Variants in MAPK4 observed in about 807,000 individuals in gnomAD.
MAPK4 encodes the protein mitogen-activated protein kinase 4, also known as Erk3-related.
Under a neutral mutation model 47.7 loss-of-function variants are expected in MAPK4, and 22 were observed. The ratio of observed to expected loss-of-function variants is 0.46; its 90% confidence interval spans 0.33 to 0.66. MAPK4 has a LOEUF of 0.66. MAPK4 is among the 30% of genes least tolerant of loss of function. MAPK4 has a pLI of 0.02. For synonymous variants in MAPK4, 390 were observed against 365.7 expected (o/e 1.07, Z -0.76); for missense variants, 736 against 831.7 (o/e 0.88, Z 1.42).
intron 1 of MAPK4, among the ~76,000 whole-genome samples, chr18:50,636,914 C>T (rs1598852015): frequency 6.6e-6 from 1 of 152,180 alleles, no homozygotes. Context: ...TCTCTGTTCA[C>T]GATGAGAACA....
At chr18:50,618,254 C>T (rs1299605960) in intron 1 of MAPK4, among the ~76,000 whole-genome samples, 1 of 152,148 alleles carries the variant, frequency 6.6e-6, no homozygotes, top group South Asian at 2.1e-4. Context: ...ATCTGCTCAT[C>T]GACCTCTGGG....
intron 1 of MAPK4, among the ~76,000 whole-genome samples, chr18:50,644,462 A>T (rs1017962598): frequency 3.3e-5 from 5 of 152,114 alleles, no homozygotes; most frequent in African/African-American, 1.2e-4. Flanking sequence ...GAGCAGGGAG[A>T]ACAGACACAG....
chr18:50,638,401 G>A (rs2042907332), intron 1 of MAPK4, among the ~76,000 whole-genome samples: 1 of 152,180 alleles, frequency 6.6e-6, no homozygotes, highest in East Asian at 1.9e-4. Flanking sequence ...CCTGAGTAAG[G>A]CAGCACGTCT....
At chr18:50,646,085 C>G (rs2042986404) in intron 1 of MAPK4, among the ~76,000 whole-genome samples, 1 of 152,200 alleles carries the variant, frequency 6.6e-6, no homozygotes, top group Non-Finnish European at 1.5e-5. Flanking sequence ...GCATCAATTC[C>G]AGCTAACAGG....
intron 2 of MAPK4, among the ~76,000 whole-genome samples, chr18:50,677,381 A>G (rs1239156778): frequency 2.0e-5 from 3 of 152,210 alleles, no homozygotes; most frequent in African/African-American, 7.2e-5. Context: ...TCAGGTGGGA[A>G]GTTGGGAAAG....
rs144572020 is a variant in MAPK4, at chr18:50,641,085, G to A, written c.-870-22004G>A. Among the ~76,000 whole-genome samples, 1,199 of 152,368 alleles carry A rather than the reference G, an allele frequency of 7.9e-3. 6 individuals are homozygous for A. The highest frequency in any genetic ancestry group is 0.013 in the Non-Finnish European group (879 of 68,034). On this transcript the variant is annotated intron_variant, in intron 1 of 5. Coordinates refer to ENST00000400384, the MANE Select transcript of MAPK4 (RefSeq NM_002747.4). The stretch of plus-strand genomic sequence containing the variant: ...GAAAAAAAAGGGGAGAGTTGAGTGA[G>A]AAGTCCTGTTTGTGACCCATGAAGC...
intron 1 of MAPK4, among the ~76,000 whole-genome samples, chr18:50,620,044 T>A (rs1262987014): frequency 1.3e-5 from 2 of 152,260 alleles, no homozygotes; most frequent in Non-Finnish European, 2.9e-5. Context: ...AGGCATGCAC[T>A]TTGCTTCTGC....
chr18:50,637,970 G>C (rs186321283), intron 1 of MAPK4, among the ~76,000 whole-genome samples: 104 of 152,318 alleles, frequency 6.8e-4, no homozygotes, highest in Non-Finnish European at 1.2e-3. Flanking sequence ...CTAGGGGTTA[G>C]GGCTTCAGCG....
chr18:50,599,343 G>C (rs1255345042), intron 1 of MAPK4, among the ~76,000 whole-genome samples: 1 of 152,164 alleles, frequency 6.6e-6, no homozygotes, highest in East Asian at 1.9e-4. Context: ...TCTAAGCTAA[G>C]ATTTATATAG....
intron 1 of MAPK4, among the ~76,000 whole-genome samples, chr18:50,592,886 G>A (rs977012510): frequency 2.6e-5 from 4 of 152,168 alleles, no homozygotes; most frequent in Non-Finnish European, 5.9e-5. Context: ...TTAAAACTTA[G>A]CATCTCGCAG....
At chr18:50,571,074 G>A (rs2042246029) in intron 1 of MAPK4, among the ~76,000 whole-genome samples, 1 of 152,152 alleles carries the variant, frequency 6.6e-6, no homozygotes, top group African/African-American at 2.4e-5. Flanking sequence ...TAATCATTGG[G>A]TAAAGAGAAG....
At position 50,664,258 on chromosome 18, in the gene MAPK4, G is replaced by A; in HGVS notation, c.300G>A (p.Val100=). ...AGGGTGAGCTGTTCAAGTTCAGCGT[G>A]GCGTACATCGTCCAGGAGTACATGG... ...DLQGELFKFS[V]AYIVQEYMET... Residue 100 remains valine, a synonymous_variant, in exon 2 of 6, where the codon GTG becomes GTA. Coordinates refer to ENST00000400384, the MANE Select transcript of MAPK4 (RefSeq NM_002747.4). The surrounding 1 kb of genome is among the most constrained non-coding windows in gnomAD (Gnocchi z 6.0). 1 of 1,613,826 alleles carries A rather than the reference G, an allele frequency of 6.2e-7. No homozygotes were observed.
chr18:50,653,203 A>T (rs905064911), intron 1 of MAPK4, among the ~76,000 whole-genome samples: 1 of 152,042 alleles, frequency 6.6e-6, no homozygotes, highest in Non-Finnish European at 1.5e-5. Context: ...AAATAAAAAA[A>T]AAAAAGAACC....
At chr18:50,592,698 G>A (rs1224329830) in intron 1 of MAPK4, among the ~76,000 whole-genome samples, 1 of 152,226 alleles carries the variant, frequency 6.6e-6, no homozygotes, top group African/African-American at 2.4e-5. Context: ...TGATGGAGGG[G>A]AGAAGGCTGT....
chr18:50,586,761 A>G (rs1402032421), intron 1 of MAPK4, among the ~76,000 whole-genome samples: 2 of 152,036 alleles, frequency 1.3e-5, no homozygotes, highest in African/African-American at 2.4e-5. Context: ...TTTCCTACTG[A>G]TCCAGGGCAA....
intron 2 of MAPK4, among the ~76,000 whole-genome samples, chr18:50,673,438 C>T (rs1908077794): frequency 6.6e-6 from 1 of 152,238 alleles, no homozygotes; most frequent in Non-Finnish European, 1.5e-5. Flanking sequence ...CTGCAGCCCG[C>T]TAGGGACGCT....
Position 50,678,546 on chromosome 18 carries a change from G to C in MAPK4, c.546+14042G>C, listed in dbSNP as rs1002718826. ...TCTTCCCAGAGGTGTTCACTCAAGGGTCCACCAGCGACTTCCCTGTTCAGG... is the reference window on the plus strand; with the variant it reads ...TCTTCCCAGAGGTGTTCACTCAAGGCTCCACCAGCGACTTCCCTGTTCAGG... On this transcript the variant is annotated intron_variant, in intron 2 of 5. Transcript: ENST00000400384. The surrounding 1 kb of genome is among the most constrained non-coding windows in gnomAD (Gnocchi z 4.2). Among the ~76,000 whole-genome samples the C allele has an allele frequency of 2.0e-5, 3 of 152,154 alleles. No individual in the cohort carries two copies. Among genetic ancestry groups the C allele is most frequent in the African/African-American group, 7.2e-5 (3 of 41,434 alleles).
At chr18:50,624,759 C>A (rs988479935) in intron 1 of MAPK4, among the ~76,000 whole-genome samples, 1 of 151,782 alleles carries the variant, frequency 6.6e-6, no homozygotes, top group African/African-American at 2.4e-5. Context: ...GGTGAACATA[C>A]TGTTTTAAGA....
At chr18:50,680,437 A>G (rs945529654) in intron 2 of MAPK4, among the ~76,000 whole-genome samples, 1 of 152,186 alleles carries the variant, frequency 6.6e-6, no homozygotes, top group Non-Finnish European at 1.5e-5. Context: ...TTAACATACC[A>G]TACAGTTCAC....
Sources: allele counts gnomAD v4.1 joint callset (sites outside exome capture counted in the v4.1 genomes callset), GRCh38; gene constraint gnomAD v4.1.1; non-coding constraint Gnocchi (gnomAD v3.1); transcripts MANE v1.5; gene names NCBI Gene and HGNC (gene_info 2026-07-23, HGNC 2026-07-21).